Variants in RORA observed in about 807,000 individuals in gnomAD.
RORA encodes RAR related orphan receptor A, also known as nuclear receptor ROR-alpha.
RORA carries 7 observed loss-of-function variants against 69.5 expected under a neutral mutation model. That is an observed-to-expected ratio of 0.10 (90% CI 0.06 to 0.19). RORA has a LOEUF of 0.19. Ranked by LOEUF, RORA falls within the 10% of genes least tolerant of loss-of-function variation. The pLI, the probability that RORA is intolerant of heterozygous loss-of-function variation, is 1.00. For synonymous variants in RORA, 261 were observed against 240.8 expected (o/e 1.08, Z -0.78); for missense variants, 457 against 663.0 (o/e 0.69, Z 3.41).
chr15:60,500,302 A>G (rs989388748), intron 9 of RORA, among the ~76,000 whole-genome samples: 1 of 152,194 alleles, frequency 6.6e-6, no homozygotes, highest in African/African-American at 2.4e-5. Context: ...TGAAACCATC[A>G]TGGCCCCTCG....
chr15:61,124,625 T>A (rs1460984398), intron 1 of RORA, among the ~76,000 whole-genome samples: 2 of 152,258 alleles, frequency 1.3e-5, no homozygotes, highest in Admixed American at 6.5e-5. Context: ...TATTTTTTAA[T>A]CTTGTTTTAT....
chr15:60,909,154 G>A (rs1384539708), intron 1 of RORA, among the ~76,000 whole-genome samples: 2 of 152,174 alleles, frequency 1.3e-5, no homozygotes, highest in Non-Finnish European at 2.9e-5. Context: ...TCCCAGCGGT[G>A]AGCATAACAG....
At chr15:60,818,246 T>C (rs2072843735) in intron 1 of RORA, among the ~76,000 whole-genome samples, 1 of 152,220 alleles carries the variant, frequency 6.6e-6, no homozygotes, top group Admixed American at 6.5e-5. Context: ...CTGCAATTAC[T>C]TTTGTGCCAA....
At chr15:61,011,270 T>G (rs934264470) in intron 1 of RORA, among the ~76,000 whole-genome samples, 1 of 152,222 alleles carries the variant, frequency 6.6e-6, no homozygotes, top group African/African-American at 2.4e-5. Flanking sequence ...AGATCCATTA[T>G]CTCATCACTC....
At chr15:60,949,806 G>C (rs951292580) in intron 1 of RORA, among the ~76,000 whole-genome samples, 25 of 152,270 alleles carry the variant, frequency 1.6e-4, no homozygotes, top group Admixed American at 1.2e-3. Context: ...CAACTGATAA[G>C]GCTTCCATTT....
At chr15:60,524,760 G>T (rs2066291481) in intron 3 of RORA, among the ~76,000 whole-genome samples, 1 of 152,182 alleles carries the variant, frequency 6.6e-6, no homozygotes, top group African/African-American at 2.4e-5. Flanking sequence ...AAAAACAGTG[G>T]TGACGATATG....
chr15:61,189,692 C>T (rs2079777778), intron 1 of RORA, among the ~76,000 whole-genome samples: 2 of 151,848 alleles, frequency 1.3e-5, no homozygotes, highest in Non-Finnish European at 2.9e-5. Context: ...CCCATCTCTA[C>T]TAAAAATACA....
chr15:61,008,653 A>G (rs1323623913), intron 1 of RORA, among the ~76,000 whole-genome samples: 1 of 152,134 alleles, frequency 6.6e-6, no homozygotes, highest in Non-Finnish European at 1.5e-5. Context: ...AAAAATGCGC[A>G]TGTAGATGGA....
At chr15:61,005,132 A>C (rs1043988718) in intron 1 of RORA, among the ~76,000 whole-genome samples, 1 of 152,206 alleles carries the variant, frequency 6.6e-6, no homozygotes, top group Admixed American at 6.5e-5. Context: ...AGGGTTCAAC[A>C]ATAGGATGAT....
At chr15:60,985,870 G>A (rs573355780) in intron 1 of RORA, among the ~76,000 whole-genome samples, 8 of 152,142 alleles carry the variant, frequency 5.3e-5, no homozygotes, top group Non-Finnish European at 1.2e-4. Flanking sequence ...GTGAGCCAAC[G>A]CGCCCAGCCG....
At chr15:60,541,884 G>A (rs192154729) in intron 2 of RORA, among the ~76,000 whole-genome samples, 3 of 152,282 alleles carry the variant, frequency 2.0e-5, no homozygotes, top group Admixed American at 1.3e-4. Context: ...AACGAGGCCC[G>A]CACCACTGTC....
intron 1 of RORA, among the ~76,000 whole-genome samples, chr15:61,153,294 G>A (rs923784864): frequency 1.3e-5 from 2 of 152,156 alleles, no homozygotes; most frequent in African/African-American, 4.8e-5. Context: ...TTCAATTAAG[G>A]CTACACCATG....
intron 1 of RORA, among the ~76,000 whole-genome samples, chr15:60,725,500 C>T (rs190581086): frequency 6.1e-4 from 93 of 152,256 alleles, no homozygotes; most frequent in African/African-American, 5.5e-4. Context: ...TACAGGCATG[C>T]AATAAGTAAT....
At chr15:60,855,998 T>C in intron 1 of RORA, among the ~76,000 whole-genome samples, 1 of 150,760 alleles carries the variant, frequency 6.6e-6, no homozygotes, top group East Asian at 2.0e-4. Context: ...GCTAACCTCA[T>C]ATATACTGAA....
intron 1 of RORA, among the ~76,000 whole-genome samples, chr15:60,979,916 T>A (rs1566932237): frequency 6.6e-6 from 1 of 152,206 alleles, no homozygotes; most frequent in South Asian, 2.1e-4. Flanking sequence ...AGTAAAATGT[T>A]GAATAGAAGT....
intron 1 of RORA, among the ~76,000 whole-genome samples, chr15:60,882,459 C>T (rs562267274): frequency 2.0e-5 from 3 of 152,182 alleles, no homozygotes; most frequent in Admixed American, 6.5e-5. Context: ...AAGTGGAACA[C>T]AGTAGTAAGC....
intron 1 of RORA, among the ~76,000 whole-genome samples, chr15:61,030,098 C>A (rs571458396): frequency 6.6e-6 from 1 of 152,196 alleles, no homozygotes; most frequent in East Asian, 1.9e-4. Flanking sequence ...AGTAACTGAC[C>A]TAGAGTCATC....
At chr15:61,135,593 A>AC (rs2079230752) in intron 1 of RORA, among the ~76,000 whole-genome samples, 1 of 150,886 alleles carries the variant, frequency 6.6e-6, no homozygotes, top group South Asian at 2.1e-4. Context: ...AAAAAAAAAA[A>AC]AAAAACCACA....
At chr15:60,791,975 A>G (rs961190032) in intron 1 of RORA, among the ~76,000 whole-genome samples, 4 of 152,184 alleles carry the variant, frequency 2.6e-5, no homozygotes, top group Admixed American at 1.3e-4. Context: ...ACCAACCCCA[A>G]GAATACTCAG....
Sources: gnomAD v4.1 joint callset for allele counts (sites outside exome capture counted in the v4.1 genomes callset) on GRCh38, gnomAD v4.1.1 for gene constraint, MANE v1.5 for transcripts, NCBI Gene and HGNC (gene_info 2026-07-23, HGNC 2026-07-21) for gene names.